SH2B2: variants seen among roughly 807,000 people sequenced by gnomAD.
SH2B2 encodes SH2B adapter protein 2.
A neutral mutation model predicts 35.7 loss-of-function variants in SH2B2; 37 were observed. The ratio of observed to expected loss-of-function variants is 1.04; its 90% CI spans 0.80 to 1.36. The LOEUF (loss-of-function observed/expected upper bound fraction) is 1.36, where lower values mean the gene tolerates loss of function less well. SH2B2 is among the 40% of genes most tolerant of loss of function. SH2B2 has a pLI of 0.00. For missense variants in SH2B2, 852 were observed against 817.7 expected (o/e 1.04, Z -0.51); for synonymous variants, 383 against 376.4 (o/e 1.02, Z -0.20).
Position 102,321,462 on chromosome 7 carries a change from G to A in SH2B2, c.1731G>A (p.Ala577=), listed in dbSNP as rs1230024876. 12 of 1,218,046 alleles carry A rather than the reference G, an allele frequency of 9.9e-6. No homozygotes were observed. In the Admixed American group the frequency reaches 4.1e-4, roughly 42 times the overall value. The allele number at this position is 1,218,046 out of a possible 1,614,324, so 75.5% of individuals were successfully genotyped here. ...CTTCCGCCTCGTCGTCCTCTGCCGC[G>A]TCGGGGCCCGCCCCCCCGCGCCCCG... ...SSSSASSSSA[A]SGPAPPRPVE... is the part of the protein sequence containing the mutation. The change falls in exon 9 of 9, where the codon GCG becomes GCA. Residue 577 remains alanine, a synonymous_variant. Coordinates refer to ENST00000444095, the MANE Select transcript of SH2B2 (RefSeq NM_001359228.2).
At chr7:102,313,058 G>C (rs1793685012) in intron 4 of SH2B2, among the ~76,000 whole-genome samples, 1 of 151,342 alleles carries the variant, frequency 6.6e-6, no homozygotes, top group Non-Finnish European at 1.5e-5. Context: ...GAACCCCCGG[G>C]AGGCAGAGGT....
chr7:102,307,755 C>G (rs1374863094), intron 3 of SH2B2, among the ~76,000 whole-genome samples: 1 of 151,606 alleles, frequency 6.6e-6, no homozygotes, highest in Non-Finnish European at 1.5e-5. Context: ...AGCCCAACAA[C>G]TACATTTTTT....
At chr7:102,309,355 C>CTTTTTTTT (rs35826295) in intron 4 of SH2B2, 3 of 184,160 alleles carry the variant, frequency 1.6e-5, no homozygotes, top group Non-Finnish European at 3.0e-5. Flanking sequence ...CTCTCTCTCT[C>CTTTTTTTT]TTTTTTTTTT....
rs1329133767 is a variant in SH2B2, at chr7:102,300,963, G to T, written c.413G>T (p.Arg138Leu). 27 of 1,486,268 alleles carry T rather than the reference G, an allele frequency of 1.8e-5. 1 individual carries two copies. The highest frequency in any genetic ancestry group is 2.3e-5 in the Non-Finnish European group (26 of 1,120,620). 92.1% of individuals were successfully genotyped at this position (1,486,268 alleles called of 1,614,324 possible). The part of the protein sequence containing the change: ...KARVRKGFSL[R>L]NMSLCVVDGV... ...CGCGTTCGCAAGGGCTTCTCGCTGC[G>T]CAACATGAGCCTGTGCGTGGTGGAC... is the stretch of plus-strand genomic sequence containing the variant. Residue 138 changes from arginine to leucine, a missense_variant, in exon 2 of 9, where the codon CGC becomes CTC. Transcript: ENST00000444095.
At chr7:102,314,817 A>C in intron 6 of SH2B2, 135 bp downstream of exon 6, 1 of 397,296 alleles carries the variant, frequency 2.5e-6, no homozygotes, top group Non-Finnish European at 4.4e-6. Context: ...GGTCCTTCAC[A>C]CGTCTCCGAA....
At position 102,300,885 on chromosome 7, in the gene SH2B2, A is replaced by G. The variant is rs782312125; in HGVS notation, c.335A>G (p.Tyr112Cys). ...ADTSALKAAPYGHSRSSEDVS... is the reference protein window; with the variant it reads ...ADTSALKAAPCGHSRSSEDVS... ...ACCTCTGCACTCAAGGCGGCGCCCT[A>G]CGGCCACTCGCGGAGCTCGGAGGAC... The change falls in exon 2 of 9, where the codon TAC becomes TGC. Residue 112 changes from tyrosine to cysteine, a missense_variant. Around this residue, in one of 3 missense-constraint regions of SH2B2, gnomAD observed 294 missense variants for 286.6 expected, o/e 1.03. Coordinates refer to ENST00000444095, the MANE Select transcript of SH2B2 (RefSeq NM_001359228.2). 1 of 1,467,658 alleles carries G rather than the reference A, an allele frequency of 6.8e-7. No homozygotes were observed. The highest frequency in any genetic ancestry group is 2.6e-5 in the Admixed American group (1 of 38,776). The allele number at this position is 1,467,658 out of a possible 1,614,324, so 90.9% of individuals were successfully genotyped here. A position where few individuals can be genotyped will look rare whatever the true frequency, so the allele number is the denominator to read the frequency against.
In SH2B2 at chr7:102,297,239, G is replaced by A. The variant is rs1586572747; in HGVS notation, c.-29-3283G>A. ...TGGATACGACCCGCTCGCCACTTAGGAGTTGTCTGGGTTATTAGATCCAAA... is the reference window on the plus strand; with the variant it reads ...TGGATACGACCCGCTCGCCACTTAGAAGTTGTCTGGGTTATTAGATCCAAA... On this transcript the variant is annotated intron_variant, in intron 1 of 8. Transcript: ENST00000444095. This position sits in a 1 kb window ranked among gnomAD's most constrained non-coding sequence, Gnocchi z 4.3. 6.6e-6 allele frequency among the ~76,000 whole-genome samples: 1 copy of A among 152,022 alleles called. No homozygotes were observed. The highest frequency in any genetic ancestry group is 2.4e-5 in the African/African-American group (1 of 41,380).
At chr7:102,303,694 G>A (rs1793281601) in intron 2 of SH2B2, among the ~76,000 whole-genome samples, 1 of 152,184 alleles carries the variant, frequency 6.6e-6, no homozygotes, top group Non-Finnish European at 1.5e-5. Flanking sequence ...TGTCAGAAAG[G>A]GAAACCGAGG....
chr7:102,287,267 G>T (rs1554551019), intron 1 of SH2B2, among the ~76,000 whole-genome samples, 173 bp downstream of exon 1: 3 of 152,038 alleles, frequency 2.0e-5, no homozygotes, highest in Non-Finnish European at 4.4e-5. Context: ...GAGGGCGCGC[G>T]AGGGAGGGGA....
At chr7:102,309,024 A>G (rs149671613) in intron 4 of SH2B2, 118 bp downstream of exon 4, 7 of 828,574 alleles carry the variant, frequency 8.4e-6, no homozygotes, top group Middle Eastern at 2.2e-4. Context: ...GAGCAATTCA[A>G]TGCGATTCAG....
chr7:102,312,297 C>T (rs1186382392), intron 4 of SH2B2, among the ~76,000 whole-genome samples: 1 of 152,098 alleles, frequency 6.6e-6, no homozygotes, highest in African/African-American at 2.4e-5. Flanking sequence ...ATCACTTGAA[C>T]CTGGGAGGCA....
At chr7:102,305,886 T>A (rs1246247952) in intron 2 of SH2B2, among the ~76,000 whole-genome samples, 2 of 148,946 alleles carry the variant, frequency 1.3e-5, no homozygotes, top group Admixed American at 1.3e-4. Flanking sequence ...GGTCCTTTTT[T>A]TTTTTTCTTT....
chr7:102,315,526 GC>G (rs1793791106), intron 6 of SH2B2, among the ~76,000 whole-genome samples: 1 of 151,656 alleles, frequency 6.6e-6, no homozygotes, highest in Non-Finnish European at 1.5e-5. Flanking sequence ...ATGGGGTTTT[GC>G]CATGTTGGCC....
At chr7:102,309,587 C>T (rs1563561732) in intron 4 of SH2B2, 2 of 270,632 alleles carry the variant, frequency 7.4e-6, no homozygotes, top group Non-Finnish European at 1.5e-5. Context: ...TCTCGAACTC[C>T]AGACCTCAAG....
upstream of SH2B2, among the ~76,000 whole-genome samples, chr7:102,285,510 T>G (rs782216513): frequency 1.3e-5 from 2 of 152,194 alleles, no homozygotes; most frequent in Non-Finnish European, 2.9e-5. Flanking sequence ...AGAGCCGAGA[T>G]GTGGGGCAGG....
intron 2 of SH2B2, 130 bp from the exon 3 acceptor site, chr7:102,306,591 G>A (rs1793406799): frequency 1.5e-6 from 1 of 674,338 alleles, no homozygotes; most frequent in South Asian, 1.6e-5. Flanking sequence ...AATGGGGATT[G>A]GGATACCTCT....
intron 6 of SH2B2, 106 bp downstream of exon 6, chr7:102,314,788 G>A (rs1347168589): frequency 2.5e-6 from 1 of 398,182 alleles, no homozygotes; most frequent in Middle Eastern, 6.3e-4. Context: ...CTCAGAAGCT[G>A]TGACATCTCA....
chr7:102,318,241 C>A (rs1295008992), intron 7 of SH2B2, among the ~76,000 whole-genome samples: 1 of 152,116 alleles, frequency 6.6e-6, no homozygotes, highest in African/African-American at 2.4e-5. Flanking sequence ...CGGGTTCAAG[C>A]GATTCTTGTG....
intron 6 of SH2B2, among the ~76,000 whole-genome samples, chr7:102,316,743 G>A (rs781886968): frequency 6.6e-6 from 1 of 152,162 alleles, no homozygotes; most frequent in South Asian, 2.1e-4. Context: ...ATAAGGCTGG[G>A]CGCAATGGCT....
Sources: allele counts gnomAD v4.1 joint callset (sites outside exome capture counted in the v4.1 genomes callset), GRCh38; gene constraint gnomAD v4.1.1; regional missense constraint gnomAD v4.1.1; non-coding constraint Gnocchi (gnomAD v3.1); transcripts MANE v1.5; gene names NCBI Gene and HGNC (gene_info 2026-07-23, HGNC 2026-07-21).